Variants in GREB1 observed in about 807,000 individuals in gnomAD.
GREB1 encodes protein GREB1.
A neutral mutation model predicts 200.7 loss-of-function variants in GREB1; 106 were observed. The ratio of observed to expected loss-of-function variants is 0.53; its 90% CI spans 0.45 to 0.62. The LOEUF (loss-of-function observed/expected upper bound fraction) is 0.62, where lower values mean the gene tolerates loss of function less well. GREB1 is among the 20% of genes least tolerant of loss of function. GREB1 has a pLI of 0.00. For synonymous variants in GREB1, 1,132 were observed against 1,092.4 expected, an observed-to-expected ratio of 1.04 and a Z score of -0.72; for missense variants, 2,243 against 2,556.8, an observed-to-expected ratio of 0.88 and a Z score of 2.65.
At chr2:11,533,643 A>G (rs1674158575), upstream of GREB1, among the ~76,000 whole-genome samples, 1 of 152,208 alleles carries the variant, frequency 6.6e-6, no homozygotes, top group African/African-American at 2.4e-5. Context: ...ACAAAACCCA[A>G]CAATTGGTTC....
intron 6 of GREB1, among the ~76,000 whole-genome samples, 158 bp downstream of exon 6, chr2:11,578,589 C>T (rs1158839136): frequency 2.6e-5 from 4 of 152,236 alleles, no homozygotes; most frequent in African/African-American, 9.6e-5. Flanking sequence ...ATTTGTAATA[C>T]TTTTCAACAA....
At chr2:11,579,167 T>C (rs78758485) in intron 6 of GREB1, among the ~76,000 whole-genome samples, 2,478 of 152,332 alleles carry the variant, frequency 0.016, 41 homozygotes, top group Non-Finnish European at 0.024. Context: ...TGTACCCACC[T>C]GGCCCATCCA....
chr2:11,529,458 T>C (rs1030655758), upstream of GREB1, among the ~76,000 whole-genome samples: 1 of 152,128 alleles, frequency 6.6e-6, no homozygotes, highest in African/African-American at 2.4e-5. Flanking sequence ...GTGACAAGCA[T>C]GGATGAGGTT....
chr2:11,511,125 G>A (rs777473470), intron 1 of GREB1, among the ~76,000 whole-genome samples: 4 of 150,482 alleles, frequency 2.7e-5, no homozygotes, highest in East Asian at 3.8e-4. Flanking sequence ...GGCATGGGGC[G>A]TCAGGCTCAC....
At chr2:11,571,975 T>C (rs967281514) in intron 4 of GREB1, among the ~76,000 whole-genome samples, 2 of 152,248 alleles carry the variant, frequency 1.3e-5, no homozygotes, top group Non-Finnish European at 2.9e-5. Flanking sequence ...CCTCCCAAAG[T>C]GCTGGGATTA....
intron 1 of GREB1, among the ~76,000 whole-genome samples, chr2:11,528,539 G>A (rs1673961677): frequency 6.6e-6 from 1 of 152,094 alleles, no homozygotes; most frequent in Non-Finnish European, 1.5e-5. Flanking sequence ...AGCCCAGGCT[G>A]GAGTGCAGTG....
At chr2:11,561,067 C>T (rs1676972969) in intron 2 of GREB1, 1 of 152,270 alleles carries the variant, frequency 6.6e-6, no homozygotes, top group Non-Finnish European at 1.5e-5. Context: ...AATTTCATTT[C>T]CCTGTAGTGA....
intron 7 of GREB1, chr2:11,584,952 G>C: frequency 2.4e-6 from 1 of 421,300 alleles, no homozygotes; most frequent in Non-Finnish European, 4.2e-6. Flanking sequence ...CTAAGGAGGG[G>C]TGAACCGGTC....
chr2:11,530,302 TC>T (rs1288390967), upstream of GREB1, among the ~76,000 whole-genome samples: 2 of 151,830 alleles, frequency 1.3e-5, no homozygotes, highest in African/African-American at 4.8e-5. Context: ...CCTCAAGTGA[TC>T]CACCCACTTT....
intron 1 of GREB1, among the ~76,000 whole-genome samples, chr2:11,538,093 A>G (rs1015280453): frequency 2.6e-5 from 4 of 152,144 alleles, no homozygotes; most frequent in East Asian, 1.9e-4. Context: ...TGCCTCCCCA[A>G]CGAGTAAAGC....
rs367650985 is a variant in GREB1 at position 11,559,676 on chromosome 2, CAG to C, written c.158-2784_158-2783del. On this transcript the variant is annotated intron_variant, in intron 2 of 32. Coordinates refer to ENST00000381486, the MANE Select transcript of GREB1 (RefSeq NM_014668.4). ...GGCTTAGAGACCAGAGTCGATTTTGCAGAGTCTTCTGTGTCCGACATGGAGAC... is the reference window on the plus strand; with the variant it reads ...GGCTTAGAGACCAGAGTCGATTTTGCAGTCTTCTGTGTCCGACATGGAGAC... Among the ~76,000 whole-genome samples the C allele has an allele frequency of 7.2e-5, 11 of 152,264 alleles. No individual in the cohort carries two copies. The South Asian group carries it at 1.5e-3, about 20-fold the overall frequency.
At chr2:11,625,696 A>G (rs1189035968) in intron 24 of GREB1, among the ~76,000 whole-genome samples, 3 of 152,262 alleles carry the variant, frequency 2.0e-5, no homozygotes, top group Middle Eastern at 3.4e-3. Context: ...GGGATCCCCA[A>G]CATCCATGGT....
At chr2:11,546,753 A>T (rs1675317474) in intron 1 of GREB1, among the ~76,000 whole-genome samples, 1 of 152,184 alleles carries the variant, frequency 6.6e-6, no homozygotes, top group Admixed American at 6.5e-5. Flanking sequence ...TTTTGTGTGA[A>T]TGCAGGCTTA....
rs200841744 is a variant in GREB1, at chr2:11,582,965, CA to C, written c.901+2134del. Among the ~76,000 whole-genome samples the C allele has an allele frequency of 8.1e-3, 1,234 of 152,284 alleles. 16 individuals carry two copies. The highest frequency in any genetic ancestry group is 0.028 in the African/African-American group (1,161 of 41,562). ...TGTCCCAGGCCCAGGGTCTTACTGG[CA>C]TTTGGTGCTGGGACAGAGCGGGCAG... On this transcript the variant is annotated intron_variant, in intron 7 of 32. Coordinates refer to ENST00000381486, the MANE Select transcript of GREB1 (RefSeq NM_014668.4).
intron 9 of GREB1, chr2:11,587,266 T>G (rs912206607): frequency 1.4e-5 from 11 of 787,000 alleles, no homozygotes; most frequent in Non-Finnish European, 2.2e-5. Context: ...CTCCATGAAG[T>G]TGTCTTAGAT....
chr2:11,536,326 G>T lies in GREB1; in HGVS notation c.-162+2072G>T, dbSNP rs116312823. On this transcript the variant is annotated intron_variant, in intron 1 of 32. Transcript: ENST00000381486. ...AGGCAGTGCCAGCAGCACCAACCCC[G>T]CATGATTTGTCCCAGTAAAGCTTTG... Among the ~76,000 whole-genome samples, 675 of 152,286 alleles carry T rather than the reference G, an allele frequency of 4.4e-3. 4 individuals carry two copies. Among genetic ancestry groups the T allele is most frequent in the African/African-American group, 0.015 (612 of 41,546 alleles).
chr2:11,587,741 A>ACACGCG lies in GREB1; in HGVS notation c.1160-1004_1160-1003insACGCGC. The ACACGCG allele has an allele frequency of 6.1e-5, 48 of 788,390 alleles. 1 individual carries two copies. The East Asian group carries it at 8.5e-4, about 14-fold the overall frequency. The allele number at this position is 788,390 out of a possible 1,614,324, so 48.8% of individuals were successfully genotyped here. ...CACACACACACACACACACACACAC[A>ACACGCG]CGCCACCTTTGGGAGCTCAGCAGCC... On this transcript the variant is annotated intron_variant, in intron 9 of 32. Coordinates refer to ENST00000381486, the MANE Select transcript of GREB1 (RefSeq NM_014668.4).
At chr2:11,639,476 C>T (rs980485066) in intron 32 of GREB1, among the ~76,000 whole-genome samples, 11 of 152,220 alleles carry the variant, frequency 7.2e-5, no homozygotes, top group African/African-American at 1.7e-4. Context: ...TCTTTCTCCT[C>T]ATCCTGGGAG....
At chr2:11,596,352 C>T (rs1681203796) in intron 13 of GREB1, 113 bp downstream of exon 13, 4 of 784,416 alleles carry the variant, frequency 5.1e-6, no homozygotes, top group South Asian at 1.8e-5. Flanking sequence ...CAAGTGTGCA[C>T]AGTGAGGGGG....
Sources: gnomAD v4.1 joint callset for allele counts (sites outside exome capture counted in the v4.1 genomes callset) on GRCh38, gnomAD v4.1.1 for gene constraint, MANE v1.5 for transcripts, NCBI Gene and HGNC (gene_info 2026-07-23, HGNC 2026-07-21) for gene names.